The following IMPACT variants were observed in gnomAD, a reference collection of about 807,000 sequenced individuals.
IMPACT encodes the protein protein IMPACT.
IMPACT carries 35 observed loss-of-function variants against 47.5 expected under a neutral mutation model. The observed-to-expected ratio is 0.74, with a 90% CI of 0.56 to 0.98. The LOEUF is 0.98. Ranked by LOEUF, IMPACT falls within the 50% of genes least tolerant of loss-of-function variation. The pLI, the probability that IMPACT is intolerant of heterozygous loss-of-function variation, is 0.00. For missense variants in IMPACT, 373 were observed against 394.8 expected (o/e 0.94, Z 0.47); for synonymous variants, 118 against 125.6 (o/e 0.94, Z 0.40).
At chr18:24,439,131 C>T (rs1158019128) in intron 5 of IMPACT, among the ~76,000 whole-genome samples, 1 of 152,044 alleles carries the variant, frequency 6.6e-6, no homozygotes, top group Non-Finnish European at 1.5e-5. Flanking sequence ...TTGGATGAGG[C>T]CCATATGGAA....
Position 24,449,926 on chromosome 18 carries a change from A to G in IMPACT, c.867A>G (p.Leu289=), listed in dbSNP as rs752781648. The change falls in exon 10 of 11, where the codon CTA becomes CTG. Residue 289 remains leucine, a synonymous_variant. Transcript: ENST00000284202. ...KHINNCARNI[L]VEKNYTNSPE... is the part of the protein sequence containing the mutation. Reference sequence around the variant, plus strand: ...TCAACAACTGTGCCAGAAACATACTAGTGGAAAAGAACTACACAAATTCAC... The same window carrying G: ...TCAACAACTGTGCCAGAAACATACTGGTGGAAAAGAACTACACAAATTCAC... The G allele has an allele frequency of 1.1e-5, 18 of 1,613,908 alleles. No homozygotes were observed. Among genetic ancestry groups the G allele is most frequent in the Non-Finnish European group, 1.4e-5 (17 of 1,179,906 alleles).
chr18:24,450,971 C>T lies in IMPACT; in HGVS notation c.*124C>T. The T allele has an allele frequency of 1.9e-6, 1 of 533,666 alleles. No homozygotes were observed. Among genetic ancestry groups the T allele is most frequent in the South Asian group, 3.5e-5 (1 of 28,798 alleles). 33.1% of individuals were successfully genotyped at this position (533,666 alleles called of 1,614,324 possible). ...TAAGTCAGCCAGTTCAGCATGGATACCAACATTAGCTTTTCTTCTTGGTTA... is the reference window on the plus strand; with the variant it reads ...TAAGTCAGCCAGTTCAGCATGGATATCAACATTAGCTTTTCTTCTTGGTTA... On this transcript the variant is annotated 3_prime_UTR_variant, in exon 11 of 11. Coordinates refer to ENST00000284202, the MANE Select transcript of IMPACT (RefSeq NM_018439.4).
chr18:24,433,923 G>T (rs550291278), intron 4 of IMPACT, among the ~76,000 whole-genome samples: 6 of 151,730 alleles, frequency 4.0e-5, no homozygotes, highest in Non-Finnish European at 8.8e-5. Context: ...CGCCTGCCTC[G>T]GCCTCCCAAA....
intron 7 of IMPACT, among the ~76,000 whole-genome samples, chr18:24,444,153 G>T (rs1476964973): frequency 2.0e-5 from 3 of 152,114 alleles, no homozygotes; most frequent in Non-Finnish European, 4.4e-5. Context: ...ATCCTATTTT[G>T]TCCCTGGCCC....
rs556183735 is a variant in IMPACT, at chr18:24,452,111, G to C, written c.*1264G>C. 14 of 152,252 alleles carry C rather than the reference G, an allele frequency of 9.2e-5. No individual in the cohort carries two copies. In the East Asian group the frequency reaches 2.7e-3, roughly 29 times the overall value. 9.4% of individuals were successfully genotyped at this position (152,252 alleles called of 1,614,324 possible). On this transcript the variant is annotated 3_prime_UTR_variant, in exon 11 of 11. Coordinates refer to ENST00000284202, the MANE Select transcript of IMPACT (RefSeq NM_018439.4). The stretch of plus-strand genomic sequence containing the variant: ...AGAAGTTAGGAGGCAACTTTGGGAT[G>C]GTGCTAGAGCATGGAAAGCACAGAG...
At chr18:24,449,763 A>G (rs577233694) in intron 9 of IMPACT, 56 bp from the exon 10 acceptor site, 4 of 1,483,188 alleles carry the variant, frequency 2.7e-6, no homozygotes, top group South Asian at 2.3e-5. Context: ...CTTTTTTAAA[A>G]CTCATATTTA....
At chr18:24,431,713 T>A (rs1444492388) in intron 4 of IMPACT, among the ~76,000 whole-genome samples, 1 of 151,938 alleles carries the variant, frequency 6.6e-6, no homozygotes, top group Admixed American at 6.6e-5. Context: ...TTTTTTAAAA[T>A]TTTTTTGAGA....
intron 4 of IMPACT, among the ~76,000 whole-genome samples, chr18:24,437,116 A>T (rs1248348438): frequency 6.6e-6 from 1 of 152,166 alleles, no homozygotes; most frequent in East Asian, 1.9e-4. Flanking sequence ...ATGAGTAGTG[A>T]TAAAGAGAGA....
Position 24,452,283 on chromosome 18 carries a change from G to A in IMPACT, c.*1436G>A, listed in dbSNP as rs930771540. ...GAAATATAAATTCTAAATTATATTTGTTATAACTATATTTTATGTTGTATG... is the reference window on the plus strand; with the variant it reads ...GAAATATAAATTCTAAATTATATTTATTATAACTATATTTTATGTTGTATG... On this transcript the variant is annotated 3_prime_UTR_variant, in exon 11 of 11. Transcript: ENST00000284202. 7 of 152,044 alleles carry A rather than the reference G, an allele frequency of 4.6e-5. No homozygotes were observed. Among genetic ancestry groups the A allele is most frequent in the African/African-American group, 1.7e-4 (7 of 41,388 alleles). 9.4% of individuals were successfully genotyped at this position (152,044 alleles called of 1,614,324 possible).
intron 3 of IMPACT, among the ~76,000 whole-genome samples, chr18:24,429,880 C>A (rs1260763403): frequency 6.6e-6 from 1 of 151,834 alleles, no homozygotes; most frequent in African/African-American, 2.4e-5. Flanking sequence ...CGGGTTCACA[C>A]CATTTTCCTG....
intron 4 of IMPACT, among the ~76,000 whole-genome samples, chr18:24,433,751 A>C (rs958165384): frequency 7.0e-6 from 1 of 143,122 alleles, no homozygotes; most frequent in African/African-American, 2.6e-5. Context: ...GCTCACTGCA[A>C]CCTCCGCCTC....
chr18:24,436,732 G>T (rs1240088071), intron 4 of IMPACT, among the ~76,000 whole-genome samples: 2 of 151,410 alleles, frequency 1.3e-5, no homozygotes, highest in East Asian at 1.9e-4. Flanking sequence ...TATTTTTTTT[G>T]TAGAGATGGG....
chr18:24,434,874 A>G (rs914766560), intron 4 of IMPACT, among the ~76,000 whole-genome samples: 1 of 112,096 alleles, frequency 8.9e-6, no homozygotes, highest in Non-Finnish European at 1.7e-5. Flanking sequence ...ATATATGTGT[A>G]TATATATGTG....
chr18:24,432,297 T>C (rs1599761616), intron 4 of IMPACT, among the ~76,000 whole-genome samples: 1 of 152,334 alleles, frequency 6.6e-6, no homozygotes. Flanking sequence ...TTAATTTTAA[T>C]GAAATAATTT....
chr18:24,426,892 C>T, intron 1 of IMPACT, 100 bp downstream of exon 1: 1 of 850,794 alleles, frequency 1.2e-6, no homozygotes, highest in Non-Finnish European at 1.6e-6. Flanking sequence ...GGGGCCGCCC[C>T]GGGTTCCGCC....
Position 24,452,665 on chromosome 18 carries a change from A to T in IMPACT, c.*1818A>T, listed in dbSNP as rs1909415966. ...CTACTTCACACTCTACTCTTAATGGAAACTTGAACTAATGATAGATAGTAT... is the reference window on the plus strand; with the variant it reads ...CTACTTCACACTCTACTCTTAATGGTAACTTGAACTAATGATAGATAGTAT... On this transcript the variant is annotated 3_prime_UTR_variant, in exon 11 of 11. Transcript: ENST00000284202. 6.6e-6 allele frequency: 1 copy of T among 152,190 alleles called. No homozygotes were observed. Among genetic ancestry groups the T allele is most frequent in the Non-Finnish European group, 1.5e-5 (1 of 68,036 alleles). The allele number at this position is 152,190 out of a possible 1,614,324, so 9.4% of individuals were successfully genotyped here. A position where few individuals can be genotyped will look rare whatever the true frequency, so the allele number is the denominator to read the frequency against.
At chr18:24,438,148 T>C (rs989046470) in intron 5 of IMPACT, 108 bp downstream of exon 5, 13 of 585,866 alleles carry the variant, frequency 2.2e-5, no homozygotes, top group African/African-American at 1.7e-4. Context: ...TGGTTTATGG[T>C]TTGTATATTA....
intron 4 of IMPACT, among the ~76,000 whole-genome samples, chr18:24,431,165 A>AT (rs1908746969): frequency 6.6e-6 from 1 of 152,198 alleles, no homozygotes; most frequent in Non-Finnish European, 1.5e-5. Context: ...GTTCTATGAA[A>AT]GGAAGATATG....
At chr18:24,426,864 C>T in intron 1 of IMPACT, 72 bp downstream of exon 1, 1 of 1,090,888 alleles carries the variant, frequency 9.2e-7, no homozygotes, top group Non-Finnish European at 1.2e-6. Context: ...TCCTCCTCAG[C>T]CGAGGGGCCC....
Sources: allele counts gnomAD v4.1 joint callset (sites outside exome capture counted in the v4.1 genomes callset), GRCh38; gene constraint gnomAD v4.1.1; transcripts MANE v1.5; gene names NCBI Gene and HGNC (gene_info 2026-07-23, HGNC 2026-07-21).